The following PXDNL variants were observed in gnomAD, a reference collection of about 807,000 sequenced individuals.
PXDNL encodes probable oxidoreductase PXDNL.
A neutral mutation model predicts 150.8 loss-of-function variants in PXDNL; 145 were observed. That is an observed-to-expected ratio of 0.96 (90% confidence interval 0.84 to 1.10). PXDNL has a LOEUF of 1.10. Ranked by LOEUF, PXDNL falls within the 50% of genes least tolerant of loss-of-function variation. The probability of loss-of-function intolerance (pLI) is 0.00; values close to 1 mark genes in which losing one functional copy is unlikely to be tolerated. For synonymous variants in PXDNL, 757 were observed against 725.7 expected (o/e 1.04, Z -0.69); for missense variants, 2,087 against 1,873.9 (o/e 1.11, Z -2.10).
At position 51,614,196 on chromosome 8, in the gene PXDNL, A is replaced by G. The variant is rs376802554; in HGVS notation, c.237-21498T>C. On this transcript the variant is annotated intron_variant, in intron 2 of 22. Coordinates refer to ENST00000356297, the MANE Select transcript of PXDNL (RefSeq NM_144651.5). ...AGCACCAGTCATTCTCTTATAATTT[A>G]TCTTCCATTACTCTACCGATTATTT... Among the ~76,000 whole-genome samples the G allele has an allele frequency of 1.3e-3, 205 of 152,370 alleles. 3 individuals carry two copies. In the South Asian group the frequency reaches 0.041, roughly 30 times the overall value.
At chr8:51,571,110 G>A (rs1812931685) in intron 3 of PXDNL, among the ~76,000 whole-genome samples, 1 of 149,674 alleles carries the variant, frequency 6.7e-6, no homozygotes, top group Admixed American at 6.7e-5. Context: ...AAAAAAAATT[G>A]TCAGATAAGC....
At chr8:51,785,566 A>G (rs1298483190) in intron 1 of PXDNL, among the ~76,000 whole-genome samples, 2 of 152,124 alleles carry the variant, frequency 1.3e-5, no homozygotes, top group Non-Finnish European at 2.9e-5. Context: ...CAATATTTCA[A>G]ATGTTTTCAT....
intron 3 of PXDNL, among the ~76,000 whole-genome samples, chr8:51,566,914 T>C (rs576197241): frequency 1.3e-5 from 2 of 151,796 alleles, no homozygotes; most frequent in Admixed American, 6.6e-5. Flanking sequence ...TTTTCTAATA[T>C]ATGCATTCAA....
intron 1 of PXDNL, among the ~76,000 whole-genome samples, chr8:51,682,681 G>T (rs1815778719): frequency 6.6e-6 from 1 of 152,174 alleles, no homozygotes; most frequent in Non-Finnish European, 1.5e-5. Context: ...GTATAATGTT[G>T]TTTATTGCTT....
intron 2 of PXDNL, among the ~76,000 whole-genome samples, chr8:51,623,076 G>T (rs1318165497): frequency 6.6e-6 from 1 of 152,188 alleles, no homozygotes; most frequent in African/African-American, 2.4e-5. Flanking sequence ...ATACTTCCTG[G>T]TTTAAAATTT....
At chr8:51,744,819 G>C (rs1454838643) in intron 1 of PXDNL, among the ~76,000 whole-genome samples, 2 of 146,490 alleles carry the variant, frequency 1.4e-5, no homozygotes, top group Non-Finnish European at 3.0e-5. Flanking sequence ...GAAAGAGAAA[G>C]AAGGACAGAC....
chr8:51,805,085 C>G (rs1292289058), intron 1 of PXDNL, among the ~76,000 whole-genome samples: 1 of 151,884 alleles, frequency 6.6e-6, no homozygotes, highest in African/African-American at 2.4e-5. Context: ...CATTTCTCTC[C>G]CCAACAAGTC....
intron 1 of PXDNL, among the ~76,000 whole-genome samples, chr8:51,662,561 A>G (rs1468271870): frequency 6.6e-6 from 1 of 152,206 alleles, no homozygotes. Context: ...ATAAAAATAC[A>G]CATTTTAAAA....
intron 1 of PXDNL, among the ~76,000 whole-genome samples, chr8:51,771,430 C>T (rs1410852161): frequency 1.3e-5 from 2 of 152,116 alleles, no homozygotes; most frequent in African/African-American, 4.8e-5. Flanking sequence ...CACAGTCTAC[C>T]CACTGTAATC....
chr8:51,362,961 T>C (rs184389221), intron 19 of PXDNL, among the ~76,000 whole-genome samples: 35 of 152,306 alleles, frequency 2.3e-4, no homozygotes, highest in African/African-American at 8.4e-4. Context: ...GACTGTGAGC[T>C]TACGGTTTGG....
chr8:51,625,661 G>T (rs1368470609), intron 2 of PXDNL, among the ~76,000 whole-genome samples: 1 of 152,142 alleles, frequency 6.6e-6, no homozygotes, highest in Non-Finnish European at 1.5e-5. Flanking sequence ...GACTGGAATT[G>T]CTTAAAGGAA....
chr8:51,717,581 A>G (rs1816639424), intron 1 of PXDNL, among the ~76,000 whole-genome samples: 1 of 152,230 alleles, frequency 6.6e-6, no homozygotes, highest in Admixed American at 6.5e-5. Context: ...CCCACAGCAG[A>G]AAATGAAAGC....
At chr8:51,549,758 T>A (rs1156863537) in intron 4 of PXDNL, among the ~76,000 whole-genome samples, 2 of 151,832 alleles carry the variant, frequency 1.3e-5, no homozygotes, top group African/African-American at 4.8e-5. Flanking sequence ...CAATCTAGGC[T>A]CACATCTCAA....
At chr8:51,755,171 T>A (rs1291907656) in intron 1 of PXDNL, among the ~76,000 whole-genome samples, 1 of 152,226 alleles carries the variant, frequency 6.6e-6, no homozygotes, top group Non-Finnish European at 1.5e-5. Context: ...CAGTGAAATC[T>A]AGTAAATTAA....
intron 4 of PXDNL, among the ~76,000 whole-genome samples, chr8:51,534,178 C>A (rs1811992256): frequency 7.1e-6 from 1 of 141,094 alleles, no homozygotes; most frequent in Non-Finnish European, 1.5e-5. Flanking sequence ...GGGCCACAAC[C>A]CTGTCTGGGA....
chr8:51,333,619 G>T (rs1805754107), intron 21 of PXDNL, among the ~76,000 whole-genome samples: 1 of 151,766 alleles, frequency 6.6e-6, no homozygotes, highest in Non-Finnish European at 1.5e-5. Flanking sequence ...TCACACATAA[G>T]GACTCACATA....
intron 19 of PXDNL, among the ~76,000 whole-genome samples, chr8:51,346,739 G>A (rs1305308547): frequency 6.6e-6 from 1 of 152,112 alleles, no homozygotes; most frequent in Non-Finnish European, 1.5e-5. Context: ...CTCATGTCAT[G>A]TGCCCTGCCT....
chr8:51,345,185 C>T (rs1356922196), intron 20 of PXDNL, among the ~76,000 whole-genome samples: 2 of 152,306 alleles, frequency 1.3e-5, no homozygotes, highest in Non-Finnish European at 1.5e-5. Context: ...CAAGTATGTA[C>T]TGACTCCTTA....
At chr8:51,497,500 C>A (rs761214386) in intron 5 of PXDNL, among the ~76,000 whole-genome samples, 2 of 152,126 alleles carry the variant, frequency 1.3e-5, no homozygotes, top group African/African-American at 4.8e-5. Context: ...AACAGGCAAC[C>A]TACAGACTAG....
Sources: gnomAD v4.1 joint callset for allele counts (sites outside exome capture counted in the v4.1 genomes callset) on GRCh38, gnomAD v4.1.1 for gene constraint, MANE v1.5 for transcripts, NCBI Gene and HGNC (gene_info 2026-07-23, HGNC 2026-07-21) for gene names.